RELN: variants seen among roughly 807,000 people sequenced by gnomAD.
RELN encodes reelin.
RELN carries 108 observed loss-of-function variants against 427.6 expected under a neutral mutation model. The ratio of observed to expected loss-of-function variants is 0.25; its 90% CI spans 0.22 to 0.30. The LOEUF (loss-of-function observed/expected upper bound fraction) is 0.30, where lower values mean the gene tolerates loss of function less well. Among genes scored for constraint, RELN ranks in the 10% least tolerant of loss-of-function variants. The probability of loss-of-function intolerance (pLI) is 1.00; values close to 1 mark genes in which losing one functional copy is unlikely to be tolerated. For synonymous variants in RELN, 1,524 were observed against 1,513.4 expected (o/e 1.01, Z -0.16); for missense variants, 3,715 against 4,302.8 (o/e 0.86, Z 3.82).
Position 103,658,844 on chromosome 7 carries a change from A to T in RELN, c.1441+2532T>A, listed in dbSNP as rs908127275. ...CTCTCTGGCATTCCTTACACTGTTG[A>T]TCATCTCCCTGCCATTACCCCCAAA... On this transcript the variant is annotated intron_variant, in intron 12 of 64. Transcript: ENST00000428762. Among the ~76,000 whole-genome samples the T allele has an allele frequency of 4.0e-5, 6 of 151,314 alleles. No homozygotes were observed. In the South Asian group the frequency reaches 1.3e-3, roughly 32 times the overall value.
intron 33 of RELN, 24 bp downstream of exon 33, chr7:103,566,200 C>T (rs1244101266): frequency 3.2e-6 from 5 of 1,575,178 alleles, no homozygotes; most frequent in Non-Finnish European, 4.4e-6. Context: ...AGATATTTTC[C>T]CTTTATCTGG....
intron 2 of RELN, among the ~76,000 whole-genome samples, chr7:103,839,348 T>G (rs560235043): frequency 2.0e-5 from 3 of 149,354 alleles, no homozygotes; most frequent in African/African-American, 7.4e-5. Flanking sequence ...CATATTATAC[T>G]GCTACACATT....
At chr7:103,757,414 C>T (rs1450016856) in intron 4 of RELN, among the ~76,000 whole-genome samples, 1 of 152,086 alleles carries the variant, frequency 6.6e-6, no homozygotes, top group Admixed American at 6.6e-5. Flanking sequence ...TACTGATTTT[C>T]TGTCTCTCCC....
chr7:103,763,721 T>C (rs1791358117), intron 4 of RELN, among the ~76,000 whole-genome samples: 1 of 151,994 alleles, frequency 6.6e-6, no homozygotes, highest in African/African-American at 2.4e-5. Flanking sequence ...GAGTCTGGTG[T>C]CAGGTGAGGG....
intron 2 of RELN, among the ~76,000 whole-genome samples, chr7:103,909,015 G>T (rs1795280347): frequency 6.6e-6 from 1 of 152,108 alleles, no homozygotes; most frequent in African/African-American, 2.4e-5. Flanking sequence ...TTGTAAAGAG[G>T]CAGACAAAAT....
chr7:103,952,842 G>T (rs1019254791), intron 1 of RELN, among the ~76,000 whole-genome samples: 14 of 152,100 alleles, frequency 9.2e-5, no homozygotes, highest in Non-Finnish European at 1.2e-4. Flanking sequence ...CACAGAGGAT[G>T]AAAAAATATT....
intron 3 of RELN, among the ~76,000 whole-genome samples, chr7:103,796,944 G>C (rs1792317936): frequency 6.6e-6 from 1 of 150,958 alleles, no homozygotes; most frequent in Non-Finnish European, 1.5e-5. Context: ...CATAACTATG[G>C]AACCATCCTT....
intron 1 of RELN, among the ~76,000 whole-genome samples, chr7:103,936,871 A>G (rs1405258751): frequency 6.6e-6 from 1 of 152,148 alleles, no homozygotes; most frequent in African/African-American, 2.4e-5. Flanking sequence ...ATTTGCTTTG[A>G]ACTATTTCCA....
intron 10 of RELN, among the ~76,000 whole-genome samples, chr7:103,683,552 T>A (rs954470948): frequency 6.6e-6 from 1 of 152,204 alleles, no homozygotes; most frequent in African/African-American, 2.4e-5. Context: ...TATCACCTAG[T>A]GATGTCATAG....
At chr7:103,616,726 T>C (rs1195958140) in intron 20 of RELN, among the ~76,000 whole-genome samples, 2 of 152,288 alleles carry the variant, frequency 1.3e-5, no homozygotes, top group Middle Eastern at 3.4e-3. Context: ...TTTTACAACA[T>C]TTAATTGCCA....
intron 9 of RELN, among the ~76,000 whole-genome samples, chr7:103,699,709 CTTTG>C (rs1459999357): frequency 6.6e-6 from 1 of 151,956 alleles, no homozygotes; most frequent in East Asian, 1.9e-4. Context: ...ATTTATGCTT[CTTTG>C]TTTAAAGCCA....
At chr7:103,588,373 G>C (rs1173398208) in intron 28 of RELN, among the ~76,000 whole-genome samples, 1 of 152,078 alleles carries the variant, frequency 6.6e-6, no homozygotes, top group Non-Finnish European at 1.5e-5. Context: ...ACAGATAACA[G>C]AGACTAGGAA....
At chr7:103,815,326 A>G (rs1429158458) in intron 3 of RELN, among the ~76,000 whole-genome samples, 1 of 152,218 alleles carries the variant, frequency 6.6e-6, no homozygotes, top group Non-Finnish European at 1.5e-5. Context: ...TACTCTTTCC[A>G]GGCAAATAAA....
intron 3 of RELN, among the ~76,000 whole-genome samples, chr7:103,786,517 CAAA>C (rs66567252): frequency 0.011 from 1,082 of 98,608 alleles, 9 homozygotes; most frequent in East Asian, 0.06. Context: ...AAAATGGAAC[CAAA>C]AAAAAAAAAA....
chr7:103,787,920 A>T (rs1448827763), intron 3 of RELN, among the ~76,000 whole-genome samples: 1 of 152,068 alleles, frequency 6.6e-6, no homozygotes, highest in Non-Finnish European at 1.5e-5. Flanking sequence ...ATGAACATCG[A>T]TGCAAAAATC....
At chr7:103,736,670 T>G (rs1012352898) in intron 6 of RELN, among the ~76,000 whole-genome samples, 2 of 152,218 alleles carry the variant, frequency 1.3e-5, no homozygotes, top group Non-Finnish European at 2.9e-5. Context: ...TATTCTGACC[T>G]CCTACTATGG....
At chr7:103,966,606 T>C (rs909883660) in intron 1 of RELN, among the ~76,000 whole-genome samples, 3 of 152,192 alleles carry the variant, frequency 2.0e-5, no homozygotes, top group African/African-American at 7.2e-5. Flanking sequence ...AAATAATCTA[T>C]TGTGATTCAG....
At chr7:103,688,469 T>C (rs1833807546) in intron 10 of RELN, among the ~76,000 whole-genome samples, 1 of 152,076 alleles carries the variant, frequency 6.6e-6, no homozygotes, top group Admixed American at 6.6e-5. Flanking sequence ...GAATTAGGTA[T>C]GATAGTATTG....
At chr7:103,832,414 A>G (rs985966371) in intron 3 of RELN, among the ~76,000 whole-genome samples, 1 of 151,946 alleles carries the variant, frequency 6.6e-6, no homozygotes, top group Non-Finnish European at 1.5e-5. Context: ...AAGAAAAAAC[A>G]AAAACACAAA....
Sources: allele counts gnomAD v4.1 joint callset (sites outside exome capture counted in the v4.1 genomes callset), GRCh38; gene constraint gnomAD v4.1.1; transcripts MANE v1.5; gene names NCBI Gene and HGNC (gene_info 2026-07-23, HGNC 2026-07-21).